The following PPP4R1 variants were observed in gnomAD, a reference collection of about 807,000 sequenced individuals.
The protein encoded by PPP4R1 is protein phosphatase 4 regulatory subunit 1.
In PPP4R1, 42 loss-of-function variants were observed where a neutral mutation model predicts 111.2. The observed-to-expected ratio is 0.38, with a 90% CI of 0.29 to 0.49. PPP4R1 has a LOEUF of 0.49. PPP4R1 is among the 20% of genes least tolerant of loss of function. The pLI is 0.97. For missense variants in PPP4R1, 1,012 were observed against 1,161.6 expected (o/e 0.87, Z 1.87); for synonymous variants, 409 against 405.5 (o/e 1.01, Z -0.10).
chr18:9,598,280 C>T (rs75714803), intron 2 of PPP4R1, among the ~76,000 whole-genome samples: 1 of 151,948 alleles, frequency 6.6e-6, no homozygotes, highest in East Asian at 1.9e-4. Flanking sequence ...CAAAATTTTC[C>T]CAAATTTGGT....
In PPP4R1 at chr18:9,614,218, C is replaced by T; in HGVS notation, c.52+8G>A. Reference sequence around the variant, plus strand: ...ACTGCCAGGCCACCGCGAGGCCGGGCCACTCACATCCGTCTGCGTCCTCCT... The same window carrying T: ...ACTGCCAGGCCACCGCGAGGCCGGGTCACTCACATCCGTCTGCGTCCTCCT... On this transcript the variant is annotated splice_region_variant and intron_variant, in intron 2 of 19. Coordinates refer to ENST00000400556, the MANE Select transcript of PPP4R1 (RefSeq NM_001042388.3). The surrounding 1 kb of genome is among the most constrained non-coding windows in gnomAD (Gnocchi z 4.1). 1 of 1,363,588 alleles carries T rather than the reference C, an allele frequency of 7.3e-7. No individual in the cohort carries two copies. The highest frequency in any genetic ancestry group is 9.6e-7 in the Non-Finnish European group (1 of 1,045,492). 84.5% of individuals were successfully genotyped at this position (1,363,588 alleles called of 1,614,324 possible).
Position 9,562,051 on chromosome 18 carries a change from T to C in PPP4R1, c.1771A>G (p.Ile591Val). 2 of 1,612,392 alleles carry C rather than the reference T, an allele frequency of 1.2e-6. No individual in the cohort carries two copies. The highest frequency in any genetic ancestry group is 8.5e-7 in the Non-Finnish European group (1 of 1,178,614). The change falls in exon 13 of 20, where the codon ATT (isoleucine) becomes GTT (valine). Residue 591 changes from isoleucine to valine, a missense_variant. This residue lies in a region of PPP4R1 where 707 missense variants were observed against 742.1 expected (regional missense o/e 0.95). Transcript: ENST00000400556. ...VENMDSTLHY[I>V]HSDSDLSNNS... is the part of the protein sequence containing the mutation. ...TTGCTCAAGTCTGAATCGCTGTGAA[T>C]ATAGTGAAGAGTGGAGTCCATATTC...
chr18:9,580,534 T>C (rs1343772530), intron 9 of PPP4R1, among the ~76,000 whole-genome samples: 6 of 152,106 alleles, frequency 3.9e-5, no homozygotes, highest in Admixed American at 2.0e-4. Context: ...TATTTGTTAG[T>C]AGAGACGGGG....
chr18:9,616,656 A>C (rs1372960036), upstream of PPP4R1, among the ~76,000 whole-genome samples: 1 of 128,018 alleles, frequency 7.8e-6, no homozygotes, highest in Non-Finnish European at 1.8e-5. Flanking sequence ...CAGCCGCTGG[A>C]TGCACTAAGA....
chr18:9,549,217 C>G lies in PPP4R1; in HGVS notation c.2669G>C (p.Arg890Thr). ...NVRVLLAKTLRQTLLEKDYFL... is the reference protein window; with the variant it reads ...NVRVLLAKTLTQTLLEKDYFL... ...CCTACCTTTTTCTAGTAGAGTTTGT[C>G]TTAATGTCTTTGCAAGCAGCACTCG... Residue 890 changes from arginine (R) to threonine (T), a missense_variant, in exon 19 of 20, where the codon AGA becomes ACA. Coordinates refer to ENST00000400556, the MANE Select transcript of PPP4R1 (RefSeq NM_001042388.3). 1 of 1,613,908 alleles carries G rather than the reference C, an allele frequency of 6.2e-7. No individual in the cohort carries two copies. The highest frequency in any genetic ancestry group is 8.5e-7 in the Non-Finnish European group (1 of 1,179,804).
At chr18:9,565,145 T>A (rs2066745443) in intron 11 of PPP4R1, among the ~76,000 whole-genome samples, 1 of 152,224 alleles carries the variant, frequency 6.6e-6, no homozygotes, top group Non-Finnish European at 1.5e-5. Flanking sequence ...ACTAGTTCAA[T>A]CTTTTTCATT....
intron 2 of PPP4R1, among the ~76,000 whole-genome samples, chr18:9,611,967 C>T (rs1032676387): frequency 1.3e-5 from 2 of 151,640 alleles, no homozygotes; most frequent in African/African-American, 4.9e-5. Flanking sequence ...GCCGAGATCG[C>T]GCCATTTTGC....
chr18:9,573,399 A>T (rs114576603), intron 10 of PPP4R1, among the ~76,000 whole-genome samples: 29 of 152,352 alleles, frequency 1.9e-4, no homozygotes, highest in Admixed American at 5.2e-4. Flanking sequence ...TAAAGCAAAT[A>T]TGGTAAAACA....
At chr18:9,554,765 G>A (rs986353706) in intron 15 of PPP4R1, among the ~76,000 whole-genome samples, 23 of 152,152 alleles carry the variant, frequency 1.5e-4, no homozygotes, top group African/African-American at 5.5e-4. Context: ...GACAGGGAAA[G>A]GGAAAGTTGA....
chr18:9,566,842 T>G (rs756469380), intron 11 of PPP4R1, among the ~76,000 whole-genome samples: 17 of 152,198 alleles, frequency 1.1e-4, no homozygotes, highest in Non-Finnish European at 2.2e-4. Context: ...TTAAGCCCAC[T>G]GTTGAGACCT....
At chr18:9,549,824 C>G (rs947882161) in intron 18 of PPP4R1, 17 of 613,196 alleles carry the variant, frequency 2.8e-5, no homozygotes, top group Non-Finnish European at 4.2e-5. Context: ...ACAGCAGGCA[C>G]GTGGGGTGTG....
Position 9,546,913 on chromosome 18 carries a change from T to C in PPP4R1, c.*876A>G, listed in dbSNP as rs1306073203. On this transcript the variant is annotated 3_prime_UTR_variant, in exon 20 of 20. Coordinates refer to ENST00000400556, the MANE Select transcript of PPP4R1 (RefSeq NM_001042388.3). ...TCAAAAGTGTATATATCTCTCTCTA[T>C]AGATCTTATTAATAAATTTTATTTG... 6 of 152,200 alleles carry C rather than the reference T, an allele frequency of 3.9e-5. No individual in the cohort carries two copies. Among genetic ancestry groups the C allele is most frequent in the Admixed American group, 3.3e-4 (5 of 15,284 alleles). 9.4% of individuals were successfully genotyped at this position (152,200 alleles called of 1,614,324 possible). A position where few individuals can be genotyped will look rare whatever the true frequency, so the allele number is the denominator to read the frequency against.
chr18:9,598,719 G>C (rs2067330655), intron 2 of PPP4R1, among the ~76,000 whole-genome samples: 1 of 152,020 alleles, frequency 6.6e-6, no homozygotes, highest in Non-Finnish European at 1.5e-5. Context: ...GAAGAATAAA[G>C]GACATCAGAA....
At chr18:9,571,452 G>A (rs894804951) in intron 10 of PPP4R1, among the ~76,000 whole-genome samples, 6 of 152,230 alleles carry the variant, frequency 3.9e-5, no homozygotes, top group Non-Finnish European at 8.8e-5. Context: ...GCCAGGAAAT[G>A]AAATCAGTAT....
At chr18:9,613,353 C>T (rs890791341) in intron 2 of PPP4R1, among the ~76,000 whole-genome samples, 2 of 152,178 alleles carry the variant, frequency 1.3e-5, no homozygotes, top group African/African-American at 4.8e-5. Flanking sequence ...TCAATACAAA[C>T]CTGCTTAACT....
At chr18:9,565,172 T>C (rs1390053879) in intron 11 of PPP4R1, among the ~76,000 whole-genome samples, 1 of 152,198 alleles carries the variant, frequency 6.6e-6, no homozygotes, top group Non-Finnish European at 1.5e-5. Context: ...ATATCCGCTA[T>C]GGTGATCTGT....
Position 9,550,380 on chromosome 18 carries a change from T to C in PPP4R1, c.2310A>G (p.Leu770=). Residue 770 remains leucine (L), a synonymous_variant, in exon 17 of 20, where the codon CTA becomes CTG. Transcript: ENST00000400556. ...AAACATCTCTGGGACTATATAACTC[T>C]AGAAGTAAAATCAGCTGTCTACAAA... is the stretch of plus-strand genomic sequence containing the variant. ...AELAEQLILL[L]ELYSPRDVYD... is the part of the protein sequence containing the mutation. 1 of 1,597,926 alleles carries C rather than the reference T, an allele frequency of 6.3e-7. No homozygotes were observed. Among genetic ancestry groups the C allele is most frequent in the Non-Finnish European group, 8.6e-7 (1 of 1,169,296 alleles).
chr18:9,562,105 C>G, intron 12 of PPP4R1, 30 bp from the exon 13 acceptor site: 1 of 1,496,454 alleles, frequency 6.7e-7, no homozygotes, highest in Non-Finnish European at 9.3e-7. Context: ...ACTTAAAGAG[C>G]TGTCCTGTCT....
intron 10 of PPP4R1, 33 bp from the exon 11 acceptor site, chr18:9,570,716 A>G: frequency 2.0e-6 from 3 of 1,496,790 alleles, no homozygotes; most frequent in Non-Finnish European, 2.7e-6. Flanking sequence ...GAAAAAAACA[A>G]TATGAAAGGA....
Sources: allele counts gnomAD v4.1 joint callset (sites outside exome capture counted in the v4.1 genomes callset), GRCh38; gene constraint gnomAD v4.1.1; regional missense constraint gnomAD v4.1.1; non-coding constraint Gnocchi (gnomAD v3.1); transcripts MANE v1.5; gene names NCBI Gene and HGNC (gene_info 2026-07-23, HGNC 2026-07-21).